Variants in NRXN3 observed in about 807,000 individuals in gnomAD.
NRXN3 encodes the protein neurexin III.
NRXN3 carries 32 observed loss-of-function variants against 137.6 expected under a neutral mutation model. The observed-to-expected ratio is 0.23, with a 90% confidence interval of 0.18 to 0.31. NRXN3 has a LOEUF of 0.31. NRXN3 is among the 10% of genes least tolerant of loss of function. NRXN3 has a pLI of 1.00. For missense variants in NRXN3, 1,574 were observed against 2,062.5 expected (o/e 0.76, Z 4.59); for synonymous variants, 798 against 784.5 (o/e 1.02, Z -0.29).
chr14:79,510,101 A>G (rs1001622819), intron 16 of NRXN3, among the ~76,000 whole-genome samples: 1 of 152,206 alleles, frequency 6.6e-6, no homozygotes, highest in African/African-American at 2.4e-5. Flanking sequence ...ATTAGAAAGC[A>G]TATAATTGTA....
At chr14:79,392,297 A>G (rs1447795603) in intron 15 of NRXN3, among the ~76,000 whole-genome samples, 1 of 152,168 alleles carries the variant, frequency 6.6e-6, no homozygotes, top group Non-Finnish European at 1.5e-5. Flanking sequence ...TTCCAGCTTC[A>G]TCCATGTCCC....
intron 20 of NRXN3, among the ~76,000 whole-genome samples, chr14:79,807,222 G>A (rs1032972593): frequency 2.0e-5 from 3 of 151,424 alleles, no homozygotes; most frequent in Non-Finnish European, 2.9e-5. Context: ...AAATCCTCTC[G>A]CTTTGACCTC....
At chr14:79,347,790 G>A (rs2092971847) in intron 15 of NRXN3, among the ~76,000 whole-genome samples, 1 of 152,132 alleles carries the variant, frequency 6.6e-6, no homozygotes. Flanking sequence ...AGGAAAAGGT[G>A]ATGAACTCAT....
intron 15 of NRXN3, among the ~76,000 whole-genome samples, chr14:79,439,151 G>A (rs1238939053): frequency 1.3e-5 from 2 of 152,238 alleles, no homozygotes; most frequent in Non-Finnish European, 2.9e-5. Context: ...CAAAGAGAGT[G>A]TTTACATAGT....
chr14:79,218,141 T>A (rs147363917), intron 15 of NRXN3, among the ~76,000 whole-genome samples: 10 of 152,314 alleles, frequency 6.6e-5, no homozygotes, highest in African/African-American at 2.2e-4. Context: ...GTAGAATATT[T>A]GTATTTTGTT....
chr14:78,272,574 C>T (rs760867439), intron 2 of NRXN3, among the ~76,000 whole-genome samples: 21 of 152,160 alleles, frequency 1.4e-4, no homozygotes, highest in Non-Finnish European at 5.9e-5. Context: ...GTTGCTCAGG[C>T]CTACGGCATT....
intron 16 of NRXN3, among the ~76,000 whole-genome samples, chr14:79,659,425 A>T (rs1429295830): frequency 6.6e-6 from 1 of 152,174 alleles, no homozygotes; most frequent in South Asian, 2.1e-4. Context: ...ATGTAGAGAG[A>T]TAGCAACTAC....
intron 6 of NRXN3, among the ~76,000 whole-genome samples, chr14:78,658,575 C>G (rs1157721600): frequency 2.6e-5 from 4 of 152,128 alleles, no homozygotes; most frequent in Non-Finnish European, 4.4e-5. Flanking sequence ...AGGCCTGATA[C>G]TGGGTTCAGT....
intron 4 of NRXN3, among the ~76,000 whole-genome samples, chr14:78,336,711 G>A (rs1247646934): frequency 1.3e-5 from 2 of 152,104 alleles, no homozygotes; most frequent in East Asian, 1.9e-4. Flanking sequence ...TGCAATGGGT[G>A]GGGTGTCTTT....
intron 4 of NRXN3, among the ~76,000 whole-genome samples, chr14:78,302,193 C>G (rs904293361): frequency 6.6e-6 from 1 of 152,216 alleles, no homozygotes; most frequent in African/African-American, 2.4e-5. Flanking sequence ...TTGTCTTTCC[C>G]TAATCCCCTA....
chr14:79,220,085 C>A (rs2153232188), intron 15 of NRXN3, among the ~76,000 whole-genome samples: 1 of 152,246 alleles, frequency 6.6e-6, no homozygotes, highest in Middle Eastern at 3.4e-3. Context: ...ATATCTCTGC[C>A]TTTCACGTTA....
At chr14:79,126,831 C>A (rs2056587526) in intron 15 of NRXN3, among the ~76,000 whole-genome samples, 1 of 152,260 alleles carries the variant, frequency 6.6e-6, no homozygotes, top group Admixed American at 6.5e-5. Flanking sequence ...TCCTCTCCAG[C>A]ACCTGTTGTT....
At chr14:78,362,302 C>T (rs1209360092) in intron 4 of NRXN3, among the ~76,000 whole-genome samples, 1 of 11,616 alleles carries the variant, frequency 8.6e-5, no homozygotes, top group East Asian at 2.9e-3. Flanking sequence ...TTTTGAAACA[C>T]ATTTTTTTTT....
chr14:79,435,629 C>CACACAT (rs1555447222), intron 15 of NRXN3, among the ~76,000 whole-genome samples: 2 of 150,854 alleles, frequency 1.3e-5, no homozygotes, highest in Non-Finnish European at 2.9e-5. Flanking sequence ...CACACACACA[C>CACACAT]ATACATTCTT....
intron 15 of NRXN3, among the ~76,000 whole-genome samples, chr14:79,181,057 CATATATATAT>C (rs3035618): frequency 4.1e-5 from 6 of 145,004 alleles, no homozygotes; most frequent in African/African-American, 5.1e-5. Flanking sequence ...TGTCTGTGTG[CATATATATAT>C]ATATATATAT....
rs576004847 is a variant in NRXN3, at chr14:79,015,995, G to A, written c.3262+27854G>A. ...CTTCCCAGTGTGTAGGAACAGGACTGAAAGGGCCGTTTTTCTTGGCTGCTG... is the reference window on the plus strand; with the variant it reads ...CTTCCCAGTGTGTAGGAACAGGACTAAAAGGGCCGTTTTTCTTGGCTGCTG... On this transcript the variant is annotated intron_variant, in intron 15 of 20. Transcript: ENST00000335750. Among the ~76,000 whole-genome samples, 154 of 152,256 alleles carry A rather than the reference G, an allele frequency of 1.0e-3. 1 individual carries two copies. Among genetic ancestry groups the A allele is most frequent in the Middle Eastern group, 6.8e-3 (2 of 294 alleles).
chr14:78,652,976 G>A (rs2097758531), intron 6 of NRXN3, among the ~76,000 whole-genome samples: 1 of 152,204 alleles, frequency 6.6e-6, no homozygotes, highest in Non-Finnish European at 1.5e-5. Context: ...TAAATTTTAG[G>A]TGGAAGTCAG....
At chr14:78,633,486 A>G (rs1039167364) in intron 4 of NRXN3, among the ~76,000 whole-genome samples, 1 of 151,912 alleles carries the variant, frequency 6.6e-6, no homozygotes, top group African/African-American at 2.4e-5. Context: ...ATCCTCTTTC[A>G]CCTATCCATT....
At chr14:79,569,931 GA>G (rs890978077) in intron 16 of NRXN3, among the ~76,000 whole-genome samples, 2 of 151,704 alleles carry the variant, frequency 1.3e-5, no homozygotes, top group Admixed American at 6.6e-5. Context: ...TTTAATGTCT[GA>G]AAAAAAAGAA....
Sources: gnomAD v4.1 joint callset for allele counts (sites outside exome capture counted in the v4.1 genomes callset) on GRCh38, gnomAD v4.1.1 for gene constraint, MANE v1.5 for transcripts, NCBI Gene and HGNC (gene_info 2026-07-23, HGNC 2026-07-21) for gene names.